EPPIN: variants seen among roughly 807,000 people sequenced by gnomAD.
The protein encoded by EPPIN is epididymal peptidase inhibitor.
In EPPIN, 14 loss-of-function variants were observed where a neutral mutation model predicts 18.8. That is an observed-to-expected ratio of 0.75 (90% confidence interval 0.49 to 1.17). The LOEUF is 1.17. Among genes scored for constraint, EPPIN ranks in the 50% most tolerant of loss-of-function variants. The pLI is 0.00. For synonymous variants in EPPIN, 57 were observed against 54.8 expected, an observed-to-expected ratio of 1.04 and a Z score of -0.18; for missense variants, 143 against 154.2, an observed-to-expected ratio of 0.93 and a Z score of 0.39.
Position 45,540,967 on chromosome 20 carries a change from G to A in EPPIN, c.*1177C>T, listed in dbSNP as rs1245621827. On this transcript the variant is annotated 3_prime_UTR_variant, in exon 4 of 4. Coordinates refer to ENST00000354280, the MANE Select transcript of EPPIN (RefSeq NM_020398.4). ...CATTCTTTTATAAAGATACATGCAT[G>A]TGTATGTTCACTGCAGCACTATTTA... 2.0e-5 allele frequency: 3 copies of A among 152,184 alleles called. No homozygotes were observed. Among genetic ancestry groups the A allele is most frequent in the Admixed American group, 6.5e-5 (1 of 15,276 alleles). 9.4% of individuals were successfully genotyped at this position (152,184 alleles called of 1,614,324 possible).
At chr20:45,544,412 A>G (rs1979732266) in intron 2 of EPPIN, 1 of 152,172 alleles carries the variant, frequency 6.6e-6, no homozygotes, top group South Asian at 2.1e-4. Flanking sequence ...TATCTGAGGA[A>G]ACTGACTCAC....
intron 3 of EPPIN, chr20:45,542,391 G>A (rs535682884): frequency 3.3e-5 from 21 of 639,348 alleles, no homozygotes; most frequent in Middle Eastern, 2.9e-4. Context: ...TAAGTTTAGC[G>A]TCCTGTGCCT....
intron 2 of EPPIN, 113 bp from the exon 3 acceptor site, chr20:45,542,980 C>G: frequency 1.4e-6 from 2 of 1,445,934 alleles, no homozygotes; most frequent in South Asian, 1.5e-5. Flanking sequence ...CTCCTTTTCT[C>G]TTATCACATG....
chr20:45,543,585 T>C (rs6032287), intron 2 of EPPIN: 7,478 of 152,372 alleles, frequency 0.049, 415 homozygotes, highest in African/African-American at 0.12. Context: ...CAGTGTCTCA[T>C]GCCTGGACTG....
rs760474176 is a variant in EPPIN, at chr20:45,545,701, C to A, written c.161G>T (p.Cys54Phe). Residue 54 changes from cysteine (C) to phenylalanine (F), a missense_variant, in exon 2 of 4, where the codon TGC (cysteine) becomes TTC (phenylalanine). Cys to Phe is a radical substitution (Grantham distance 205, BLOSUM62 -2). Coordinates refer to ENST00000354280, the MANE Select transcript of EPPIN (RefSeq NM_020398.4). ...GACACAACACTTCTTGTTGTCCTGGCATTGTCTGTCCTTTGTACACACATC... is the reference window on the plus strand; with the variant it reads ...GACACAACACTTCTTGTTGTCCTGGAATTGTCTGTCCTTTGTACACACATC... ...ERDVCTKDRQ[C>F]QDNKKCCVFS... The A allele has an allele frequency of 3.7e-6, 6 of 1,613,976 alleles. No homozygotes were observed. The highest frequency in any genetic ancestry group is 5.1e-6 in the Non-Finnish European group (6 of 1,179,968).
intron 3 of EPPIN, 103 bp from the exon 4 acceptor site, chr20:45,542,257 A>T (rs904519713): frequency 7.3e-6 from 11 of 1,503,412 alleles, no homozygotes; most frequent in Non-Finnish European, 9.1e-6. Context: ...GACACTAAAA[A>T]GTAGTGGGTT....
intron 2 of EPPIN, 168 bp downstream of exon 2, chr20:45,545,471 G>T: frequency 8.8e-7 from 1 of 1,135,920 alleles, no homozygotes; most frequent in Non-Finnish European, 1.3e-6. Flanking sequence ...ATTCCTAATG[G>T]CACACACCAT....
intron 1 of EPPIN, chr20:45,545,987 C>G (rs1979815147): frequency 1.6e-6 from 1 of 621,690 alleles, no homozygotes; most frequent in Non-Finnish European, 2.7e-6. Context: ...CACCCCCCAG[C>G]TCCATCCCAT....
In EPPIN at chr20:45,541,662, G is replaced by A. The variant is rs1282337802; in HGVS notation, c.*482C>T. ...GTCCTTGGGCCCTTGCCTAAAAAGG[G>A]TTTTACAATCTTTTGTAGAAACAGA... On this transcript the variant is annotated 3_prime_UTR_variant, in exon 4 of 4. Coordinates refer to ENST00000354280, the MANE Select transcript of EPPIN (RefSeq NM_020398.4). The A allele has an allele frequency of 6.4e-6, 1 of 155,232 alleles. No individual in the cohort carries two copies. The highest frequency in any genetic ancestry group is 2.4e-5 in the African/African-American group (1 of 41,462). 9.6% of individuals were successfully genotyped at this position (155,232 alleles called of 1,614,324 possible). A position where few individuals can be genotyped will look rare whatever the true frequency, so the allele number is the denominator to read the frequency against.
At chr20:45,543,475 C>T (rs1258359775) in intron 2 of EPPIN, 1 of 152,264 alleles carries the variant, frequency 6.6e-6, no homozygotes, top group Non-Finnish European at 1.5e-5. Flanking sequence ...AATGCTTACA[C>T]AGTTCCATTT....
At chr20:45,544,029 A>G (rs902384278) in intron 2 of EPPIN, 1 of 152,070 alleles carries the variant, frequency 6.6e-6, no homozygotes. Context: ...TCATTTGTTT[A>G]TATCTTCAGT....
At position 45,542,082 on chromosome 20, in the gene EPPIN, C is replaced by G. The variant is rs188765946; in HGVS notation, c.*62G>C. The G allele has an allele frequency of 4.4e-5, 71 of 1,606,662 alleles. No individual in the cohort carries two copies. The highest frequency in any genetic ancestry group is 5.8e-5 in the Non-Finnish European group (68 of 1,176,122). ...GCCAGTCTGGAGCATCCGTCAGGTA[C>G]AGGAACAGTACTCAGAGCATGAGCC... On this transcript the variant is annotated 3_prime_UTR_variant, in exon 4 of 4. Coordinates refer to ENST00000354280, the MANE Select transcript of EPPIN (RefSeq NM_020398.4).
Position 45,547,391 on chromosome 20 carries a change from G to A in EPPIN, c.-34C>T, listed in dbSNP as rs754889576. 20 of 1,611,532 alleles carry A rather than the reference G, an allele frequency of 1.2e-5. No individual in the cohort carries two copies. The highest frequency in any genetic ancestry group is 8.9e-5 in the East Asian group (4 of 44,820). On this transcript the variant is annotated 5_prime_UTR_variant, in exon 1 of 4. Coordinates refer to ENST00000354280, the MANE Select transcript of EPPIN (RefSeq NM_020398.4). ...GAGGCCAGCCTTTCTGGTGGTTCCC[G>A]AATTTGGAATGCTCAGCTGCTGCAC... is the stretch of plus-strand genomic sequence containing the variant.
rs764542301 is a variant in EPPIN, at chr20:45,545,657, A to AT, written c.204dup (p.Cys69MetfsTer28). On this transcript the variant is annotated frameshift_variant, in exon 2 of 4. Transcript: ENST00000354280. LOFTEE classifies it high-confidence loss of function. ...ATATTACCTTGTTTGAGATCTAAAC[A>AT]TTTTTTTCCGCAGCTGAAGACACAA... 2.5e-6 allele frequency: 4 copies of AT among 1,613,878 alleles called. No individual in the cohort carries two copies. The South Asian group carries it at 3.3e-5, about 13-fold the overall frequency.
intron 1 of EPPIN, chr20:45,546,398 G>A (rs755663407): frequency 2.0e-5 from 3 of 152,552 alleles, no homozygotes; most frequent in Non-Finnish European, 4.4e-5. Context: ...TGCCCTTACG[G>A]ATTTTGTGAG....
intron 1 of EPPIN, 116 bp downstream of exon 1, chr20:45,547,146 TCCCAA>T: frequency 7.1e-7 from 1 of 1,415,006 alleles, no homozygotes; most frequent in Non-Finnish European, 9.6e-7. Context: ...CTCTCTCCTC[TCCCAA>T]CCCGGGACCT....
chr20:45,541,965 A>G lies in EPPIN; in HGVS notation c.*179T>C, dbSNP rs2145548716. ...TCAAAACGGATGGATATTGTGCATC[A>G]AAAGAGCCAAAGATGGAGGAAGAGG... On this transcript the variant is annotated 3_prime_UTR_variant, in exon 4 of 4. Transcript: ENST00000354280. The G allele has an allele frequency of 1.5e-6, 1 of 653,718 alleles. No individual in the cohort carries two copies. The highest frequency in any genetic ancestry group is 2.5e-6 in the Non-Finnish European group (1 of 396,556). The allele number at this position is 653,718 out of a possible 1,614,324, so 40.5% of individuals were successfully genotyped here. A position where few individuals can be genotyped will look rare whatever the true frequency, so the allele number is the denominator to read the frequency against.
Position 45,541,989 on chromosome 20 carries a change from G to A in EPPIN, c.*155C>T. The A allele has an allele frequency of 1.3e-6, 1 of 757,610 alleles. No homozygotes were observed. Among genetic ancestry groups the A allele is most frequent in the South Asian group, 2.3e-5 (1 of 44,394 alleles). 46.9% of individuals were successfully genotyped at this position (757,610 alleles called of 1,614,324 possible). A position where few individuals can be genotyped will look rare whatever the true frequency, so the allele number is the denominator to read the frequency against. ...CAAAAGAGCCAAAGATGGAGGAAGAGGAGGTAGATGCAAGCGTTCTGTTCT... is the reference window on the plus strand; with the variant it reads ...CAAAAGAGCCAAAGATGGAGGAAGAAGAGGTAGATGCAAGCGTTCTGTTCT... On this transcript the variant is annotated 3_prime_UTR_variant, in exon 4 of 4. Coordinates refer to ENST00000354280, the MANE Select transcript of EPPIN (RefSeq NM_020398.4).
rs764259127 is a variant in EPPIN at position 45,545,706 on chromosome 20, T to A, written c.156A>T (p.Arg52Ser). 6.2e-7 allele frequency: 1 copy of A among 1,614,120 alleles called. No individual in the cohort carries two copies. Among genetic ancestry groups the A allele is most frequent in the East Asian group, 2.2e-5 (1 of 44,888 alleles). The change falls in exon 2 of 4, where the codon AGA (arginine) becomes AGT (serine). Residue 52 changes from arginine (R) to serine (S), a missense_variant. Arg to Ser is a moderately radical substitution (Grantham distance 110, BLOSUM62 -1). Coordinates refer to ENST00000354280, the MANE Select transcript of EPPIN (RefSeq NM_020398.4). The stretch of plus-strand genomic sequence containing the variant: ...AACACTTCTTGTTGTCCTGGCATTG[T>A]CTGTCCTTTGTACACACATCCCTTT... Reference protein sequence around the residue: ...FQERDVCTKDRQCQDNKKCCV... With the variant: ...FQERDVCTKDSQCQDNKKCCV...
Sources: gnomAD v4.1 joint callset for allele counts on GRCh38, gnomAD v4.1.1 for gene constraint, MANE v1.5 for transcripts, NCBI Gene and HGNC (gene_info 2026-07-23, HGNC 2026-07-21) for gene names.